FAF1: variants seen among roughly 807,000 people sequenced by gnomAD.
FAF1 encodes Fas associated factor 1, also known as FAS-associated factor 1.
A neutral mutation model predicts 92.5 loss-of-function variants in FAF1; 25 were observed. The observed-to-expected ratio is 0.27, with a 90% confidence interval of 0.20 to 0.38. FAF1 has a LOEUF of 0.38. Ranked by LOEUF, FAF1 falls within the 10% of genes least tolerant of loss-of-function variation. FAF1 has a pLI of 1.00. For missense variants in FAF1, 636 were observed against 793.3 expected (o/e 0.80, Z 2.38); for synonymous variants, 234 against 273.2 (o/e 0.86, Z 1.42).
rs1289031767 is a variant in FAF1 at position 50,470,271 on chromosome 1, ATAATT to A, written c.1869+5188_1869+5192del. Reference sequence around the variant, plus strand: ...GACTCTAATTTTAAAATGGAACTCTATAATTTATTAACAGTTTTTAAAAGGACTCA... The same window carrying A: ...GACTCTAATTTTAAAATGGAACTCTATATTAACAGTTTTTAAAAGGACTCA... On this transcript the variant is annotated intron_variant, in intron 18 of 18. Transcript: ENST00000396153. Among the ~76,000 whole-genome samples, 6 of 152,180 alleles carry A rather than the reference ATAATT, an allele frequency of 3.9e-5. No individual in the cohort carries two copies. The East Asian group carries it at 1.2e-3, about 29-fold the overall frequency.
chr1:50,726,157 G>A (rs1658641495), intron 6 of FAF1, among the ~76,000 whole-genome samples: 1 of 151,958 alleles, frequency 6.6e-6, no homozygotes, highest in Non-Finnish European at 1.5e-5. Context: ...TCGGGAGGCT[G>A]AGGCAGGAGA....
intron 7 of FAF1, among the ~76,000 whole-genome samples, chr1:50,679,894 A>G (rs1322470981): frequency 1.3e-5 from 2 of 152,226 alleles, no homozygotes; most frequent in Admixed American, 1.3e-4. Flanking sequence ...ACAATACTAC[A>G]TAAATTCACA....
At chr1:50,958,339 A>C (rs1645286825) in intron 1 of FAF1, among the ~76,000 whole-genome samples, 1 of 152,158 alleles carries the variant, frequency 6.6e-6, no homozygotes, top group Admixed American at 6.5e-5. Context: ...TCACTGGGTA[A>C]CCAAAACAGC....
At chr1:50,604,680 T>A (rs530160234) in intron 8 of FAF1, among the ~76,000 whole-genome samples, 51 of 152,200 alleles carry the variant, frequency 3.4e-4, no homozygotes, top group African/African-American at 1.2e-3. Flanking sequence ...GCTAATTCTT[T>A]AATTTTTTGT....
At chr1:50,665,763 T>C (rs1218261657) in intron 7 of FAF1, among the ~76,000 whole-genome samples, 1 of 152,206 alleles carries the variant, frequency 6.6e-6, no homozygotes, top group Non-Finnish European at 1.5e-5. Flanking sequence ...AATATTTGGT[T>C]ATATAAAAAG....
chr1:50,756,131 T>C (rs1427662579), intron 4 of FAF1, among the ~76,000 whole-genome samples: 3 of 152,202 alleles, frequency 2.0e-5, no homozygotes, highest in Non-Finnish European at 4.4e-5. Context: ...TTCTATCACA[T>C]TGTCAGGCTA....
chr1:50,772,020 T>C (rs1660791763), intron 4 of FAF1, among the ~76,000 whole-genome samples: 2 of 152,190 alleles, frequency 1.3e-5, no homozygotes, highest in Non-Finnish European at 2.9e-5. Flanking sequence ...TATGGATAAG[T>C]TGTAGGGAAA....
intron 13 of FAF1, among the ~76,000 whole-genome samples, chr1:50,542,794 C>T (rs972566723): frequency 4.6e-5 from 7 of 152,060 alleles, no homozygotes; most frequent in African/African-American, 1.2e-4. Flanking sequence ...AGGGGACTAA[C>T]GAGTTGCCAA....
At chr1:50,554,386 T>TAGAGAGAGAGAG (rs760933574) in intron 13 of FAF1, among the ~76,000 whole-genome samples, 9 of 99,494 alleles carry the variant, frequency 9.0e-5, no homozygotes, top group Admixed American at 2.1e-4. Flanking sequence ...TATATATATA[T>TAGAGAGAGAGAG]ATATAGAGAG....
chr1:50,585,880 TAA>T (rs958484582), intron 9 of FAF1, among the ~76,000 whole-genome samples: 1,594 of 90,662 alleles, frequency 0.018, 22 homozygotes, highest in African/African-American at 0.054. Flanking sequence ...CATCTCTACA[TAA>T]AAAAAAAAAA....
chr1:50,666,928 C>T (rs1038706516), intron 7 of FAF1, among the ~76,000 whole-genome samples: 2 of 152,200 alleles, frequency 1.3e-5, no homozygotes, highest in Admixed American at 6.5e-5. Flanking sequence ...ATGTGATCAA[C>T]TATGGGCAAA....
chr1:50,934,809 ATT>A (rs537031346), intron 1 of FAF1, among the ~76,000 whole-genome samples: 1 of 151,932 alleles, frequency 6.6e-6, no homozygotes, highest in East Asian at 1.9e-4. Context: ...ATTCTAGTTG[ATT>A]TTTTTTCTTT....
chr1:50,559,602 G>A (rs1366565157), intron 13 of FAF1, among the ~76,000 whole-genome samples: 2 of 152,186 alleles, frequency 1.3e-5, no homozygotes, highest in Non-Finnish European at 2.9e-5. Flanking sequence ...AATTGCTGCT[G>A]GCAGAACGCA....
chr1:50,473,217 G>A (rs1646598411), intron 18 of FAF1, among the ~76,000 whole-genome samples: 1 of 152,032 alleles, frequency 6.6e-6, no homozygotes, highest in African/African-American at 2.4e-5. Context: ...ACAGTCCAGA[G>A]TTTTACCCTG....
chr1:50,731,526 C>T (rs1412442698), intron 6 of FAF1, among the ~76,000 whole-genome samples: 1 of 152,026 alleles, frequency 6.6e-6, no homozygotes, highest in Non-Finnish European at 1.5e-5. Context: ...CCTGCCACCA[C>T]ACCTGGCTAA....
intron 2 of FAF1, among the ~76,000 whole-genome samples, chr1:50,840,167 A>C (rs1435836020): frequency 1.3e-5 from 2 of 152,208 alleles, no homozygotes; most frequent in East Asian, 3.8e-4. Context: ...CTAGAAGAAA[A>C]CATAGGAAAA....
chr1:50,564,024 C>T (rs756317499), intron 13 of FAF1, among the ~76,000 whole-genome samples: 8 of 152,184 alleles, frequency 5.3e-5, no homozygotes, highest in Non-Finnish European at 1.0e-4. Flanking sequence ...AAGTGATACT[C>T]ATATTCTGGT....
chr1:50,851,346 T>C (rs1644347588), intron 2 of FAF1, among the ~76,000 whole-genome samples: 1 of 152,242 alleles, frequency 6.6e-6, no homozygotes, highest in South Asian at 2.1e-4. Context: ...GTGCTGGGCC[T>C]ATAGGCGTGA....
chr1:50,523,928 G>A (rs999739383), intron 15 of FAF1, among the ~76,000 whole-genome samples: 5 of 152,186 alleles, frequency 3.3e-5, no homozygotes, highest in Admixed American at 6.5e-5. Context: ...TTGCTGAGTC[G>A]AATGGCATTT....
Sources: allele counts gnomAD v4.1 joint callset (sites outside exome capture counted in the v4.1 genomes callset), GRCh38; gene constraint gnomAD v4.1.1; transcripts MANE v1.5; gene names NCBI Gene and HGNC (gene_info 2026-07-23, HGNC 2026-07-21).